CACNB2: variants seen among roughly 807,000 people sequenced by gnomAD.
CACNB2 encodes voltage-dependent L-type calcium channel subunit beta-2.
Under a neutral mutation model 73.3 loss-of-function variants are expected in CACNB2, and 42 were observed. The ratio of observed to expected loss-of-function variants is 0.57; its 90% confidence interval spans 0.45 to 0.74. The LOEUF (loss-of-function observed/expected upper bound fraction) is 0.74. Among genes scored for constraint, CACNB2 ranks in the 30% least tolerant of loss-of-function variants. The pLI is 0.00. For missense variants in CACNB2, 940 were observed against 853.0 expected (o/e 1.10, Z -1.27); for synonymous variants, 348 against 310.3 (o/e 1.12, Z -1.28).
chr10:18,230,366 C>A (rs748755124), intron 2 of CACNB2, among the ~76,000 whole-genome samples: 1 of 152,124 alleles, frequency 6.6e-6, no homozygotes, highest in Non-Finnish European at 1.5e-5. Context: ...ACTCAAGTTG[C>A]CTGTTCCCTC....
intron 2 of CACNB2, among the ~76,000 whole-genome samples, chr10:18,236,302 C>A (rs775053896): frequency 2.6e-5 from 4 of 152,154 alleles, no homozygotes; most frequent in Non-Finnish European, 5.9e-5. Flanking sequence ...CACAGAGGCA[C>A]GATCGGCTGC....
chr10:18,235,146 A>ATTTTTT, intron 2 of CACNB2, among the ~76,000 whole-genome samples: 1 of 122,042 alleles, frequency 8.2e-6, no homozygotes, highest in East Asian at 2.2e-4. Context: ...CTGTCTCAAA[A>ATTTTTT]AAAAAAAAAA....
rs772752419 is a variant in CACNB2 at position 18,539,676 on chromosome 10, A to G, written c.1935A>G (p.Lys645=). 8.1e-6 allele frequency: 13 copies of G among 1,613,396 alleles called. No homozygotes were observed. The East Asian group carries it at 2.7e-4, about 33-fold the overall frequency. Residue 645 remains lysine (K), a synonymous_variant, in exon 14 of 14, where the codon AAA becomes AAG. Coordinates refer to ENST00000324631, the MANE Select transcript of CACNB2 (RefSeq NM_201596.3). ...AGGATGGAGAAGTGATATCAAAAAA[A>G]CGGAATGAGGCTGGGGAGTGGAACA... ...CEKDGEVISK[K]RNEAGEWNRD... is the part of the protein sequence containing the mutation.
rs1389424027 is a variant in CACNB2, at chr10:18,160,502, G to GAATTAACCTTACTAGATTGGTTGA, written c.213+9530_213+9553dup. On this transcript the variant is annotated intron_variant, in intron 2 of 13. Coordinates refer to ENST00000324631, the MANE Select transcript of CACNB2 (RefSeq NM_201596.3). ...TAAAGTCTTAGAAGTCACGCAAACT[G>GAATTAACCTTACTAGATTGGTTGA]AATTAACCTTACTAGATTGGTTGAA... Among the ~76,000 whole-genome samples the GAATTAACCTTACTAGATTGGTTGA allele has an allele frequency of 2.2e-4, 33 of 152,192 alleles. No homozygotes were observed. The East Asian group carries it at 2.7e-3, about 12-fold the overall frequency.
intron 5 of CACNB2, among the ~76,000 whole-genome samples, chr10:18,503,770 G>A (rs1047401924): frequency 6.6e-6 from 1 of 152,168 alleles, no homozygotes; most frequent in African/African-American, 2.4e-5. Context: ...CAAATGACTT[G>A]AGAAAGGGGT....
intron 2 of CACNB2, among the ~76,000 whole-genome samples, chr10:18,238,755 A>G (rs1339644689): frequency 1.3e-5 from 2 of 152,228 alleles, no homozygotes; most frequent in African/African-American, 4.8e-5. Flanking sequence ...TAACAGTGCT[A>G]CAGTTTTAAA....
chr10:18,479,716 G>A (rs765254298), intron 3 of CACNB2, among the ~76,000 whole-genome samples: 4 of 151,730 alleles, frequency 2.6e-5, no homozygotes, highest in Admixed American at 6.6e-5. Context: ...TCGCTCTCTC[G>A]CTCTCACTCT....
At chr10:18,387,279 TC>T (rs1227464353) in intron 2 of CACNB2, among the ~76,000 whole-genome samples, 1 of 152,200 alleles carries the variant, frequency 6.6e-6, no homozygotes, top group Non-Finnish European at 1.5e-5. Flanking sequence ...CATCTTCATC[TC>T]CCTGCCATCT....
intron 2 of CACNB2, among the ~76,000 whole-genome samples, chr10:18,174,508 A>G (rs2131172359): frequency 6.6e-6 from 1 of 151,132 alleles, no homozygotes; most frequent in African/African-American, 2.4e-5. Context: ...GGTTCAAGCA[A>G]TTCTCCTCCC....
chr10:18,452,994 A>G (rs1345603356), intron 3 of CACNB2, among the ~76,000 whole-genome samples: 1 of 152,200 alleles, frequency 6.6e-6, no homozygotes, highest in Non-Finnish European at 1.5e-5. Context: ...CATAGCATCC[A>G]TGCAGTTGCT....
chr10:18,328,271 TC>T (rs1415369735), intron 2 of CACNB2, among the ~76,000 whole-genome samples: 1 of 152,126 alleles, frequency 6.6e-6, no homozygotes, highest in Non-Finnish European at 1.5e-5. Context: ...CTTTAAAAAA[TC>T]CACATGCTCA....
In CACNB2 at chr10:18,527,688, T is replaced by A. The variant is rs765487369; in HGVS notation, c.1045T>A (p.Ser349Thr). 1 of 1,609,020 alleles carries A rather than the reference T, an allele frequency of 6.2e-7. No individual in the cohort carries two copies. The highest frequency in any genetic ancestry group is 8.5e-7 in the Non-Finnish European group (1 of 1,175,772). The change falls in exon 10 of 14, where the codon TCA becomes ACA. Residue 349 changes from serine to threonine, a missense_variant. Coordinates refer to ENST00000324631, the MANE Select transcript of CACNB2 (RefSeq NM_201596.3). ...AATAATAGAAAGATCCAACACAAGG[T>A]CAAGCTTAGGTAAGTCTGTGCAATG... ...HAIIERSNTR[S>T]SLAEVQSEIE...
chr10:18,219,438 C>G (rs1189295335), intron 2 of CACNB2, among the ~76,000 whole-genome samples: 3 of 152,164 alleles, frequency 2.0e-5, no homozygotes, highest in Admixed American at 2.0e-4. Flanking sequence ...CCTCCAAAGA[C>G]TAAATATTGT....
intron 3 of CACNB2, among the ~76,000 whole-genome samples, chr10:18,407,858 C>T (rs1042784768): frequency 6.6e-6 from 1 of 152,058 alleles, no homozygotes. Flanking sequence ...AATATTTTCT[C>T]TTATGTCTCT....
chr10:18,430,749 GAAAC>G (rs1322096549), intron 3 of CACNB2, among the ~76,000 whole-genome samples: 1 of 152,174 alleles, frequency 6.6e-6, no homozygotes, highest in Non-Finnish European at 1.5e-5. Context: ...TTCCTAAAAA[GAAAC>G]TATTAAGAGG....
chr10:18,273,492 C>T (rs1331206396), intron 2 of CACNB2, among the ~76,000 whole-genome samples: 7 of 151,876 alleles, frequency 4.6e-5, no homozygotes, highest in Admixed American at 4.6e-4. Context: ...GAACCATGCT[C>T]TCCTGTGGTG....
chr10:18,508,183 A>C (rs902267049), intron 6 of CACNB2, among the ~76,000 whole-genome samples: 1 of 152,244 alleles, frequency 6.6e-6, no homozygotes, highest in African/African-American at 2.4e-5. Context: ...CAAGTGAGCA[A>C]AATCTGAGCA....
At chr10:18,390,021 G>A (rs1339565423) in intron 2 of CACNB2, among the ~76,000 whole-genome samples, 3 of 152,176 alleles carry the variant, frequency 2.0e-5, no homozygotes, top group African/African-American at 7.2e-5. Flanking sequence ...TTTAAGGACT[G>A]AAGCCATATC....
At chr10:18,322,765 G>A (rs948577363) in intron 2 of CACNB2, among the ~76,000 whole-genome samples, 1 of 151,988 alleles carries the variant, frequency 6.6e-6, no homozygotes, top group Non-Finnish European at 1.5e-5. Flanking sequence ...ACCACAGCTG[G>A]CTAAGTCATT....
Sources: gnomAD v4.1 joint callset for allele counts (sites outside exome capture counted in the v4.1 genomes callset) on GRCh38, gnomAD v4.1.1 for gene constraint, MANE v1.5 for transcripts, NCBI Gene and HGNC (gene_info 2026-07-23, HGNC 2026-07-21) for gene names.